ATP2A3: variants seen among roughly 807,000 people sequenced by gnomAD.
ATP2A3 encodes the protein sarcoplasmic/endoplasmic reticulum calcium ATPase 3.
Under a neutral mutation model 106.8 loss-of-function variants are expected in ATP2A3, and 61 were observed. The observed-to-expected ratio is 0.57, with a 90% CI of 0.46 to 0.71. ATP2A3 has a LOEUF of 0.71. ATP2A3 is among the 30% of genes least tolerant of loss of function. The pLI, the probability that ATP2A3 is intolerant of heterozygous loss-of-function variation, is 0.00. For synonymous variants in ATP2A3, 611 were observed against 609.3 expected (o/e 1.00, Z -0.04); for missense variants, 1,201 against 1,423.5 (o/e 0.84, Z 2.52).
chr17:3,930,663 C>CT lies in ATP2A3; in HGVS notation c.2611-230_2611-229insA, dbSNP rs34208227. On this transcript the variant is annotated intron_variant, in intron 17 of 20. Transcript: ENST00000397041. This position sits in a 1 kb window ranked among gnomAD's most constrained non-coding sequence, Gnocchi z 5.4. ...AAGGGCACAGCGTGGGAAAGGCAGA[C>CT]GTTCTGGAGCAGGAGTGCAGCGGCT... is the stretch of plus-strand genomic sequence containing the variant. 0.15 allele frequency: 90,265 copies of CT among 612,452 alleles called. 10,565 individuals are homozygous for CT. Among genetic ancestry groups the CT allele is most frequent in the African/African-American group, 0.46 (24,611 of 53,896 alleles). The allele number at this position is 612,452 out of a possible 1,614,324, so 37.9% of individuals were successfully genotyped here. A position where few individuals can be genotyped will look rare whatever the true frequency, so the allele number is the denominator to read the frequency against.
intron 17 of ATP2A3, among the ~76,000 whole-genome samples, chr17:3,932,325 G>C (rs940197681): frequency 6.6e-6 from 1 of 152,126 alleles, no homozygotes; most frequent in African/African-American, 2.4e-5. Context: ...TGTGTTTGTA[G>C]TAGAGACGGG....
intron 1 of ATP2A3, among the ~76,000 whole-genome samples, chr17:3,958,899 T>TA (rs200008436): frequency 0.074 from 8,107 of 109,224 alleles, 757 homozygotes; most frequent in Middle Eastern, 0.14. Context: ...TATATATATA[T>TA]TGTTTTTTTT....
At chr17:3,963,455 G>A (rs2055249571) in intron 1 of ATP2A3, among the ~76,000 whole-genome samples, 1 of 152,268 alleles carries the variant, frequency 6.6e-6, no homozygotes. Context: ...CTTTTGGCAA[G>A]AGCAAGAATC....
chr17:3,932,139 T>TGTTTC (rs1316817340), intron 17 of ATP2A3, among the ~76,000 whole-genome samples: 4 of 152,056 alleles, frequency 2.6e-5, no homozygotes, highest in Non-Finnish European at 4.4e-5. Context: ...CTTTTTATTT[T>TGTTTC]GTTTTGTTTT....
rs377579288 is a variant in ATP2A3 at position 3,929,280 on chromosome 17, C to T, written c.2862+48G>A. On this transcript the variant is annotated intron_variant, in intron 19 of 20. Coordinates refer to ENST00000397041, the MANE Select transcript of ATP2A3 (RefSeq NM_005173.4). This position sits in a 1 kb window ranked among gnomAD's most constrained non-coding sequence, Gnocchi z 4.3. ...GAGAGGTCCAGTGACCAGCCCAGGGCCTGTGATGTCCAGGGACCAGGGCAG... is the reference window on the plus strand; with the variant it reads ...GAGAGGTCCAGTGACCAGCCCAGGGTCTGTGATGTCCAGGGACCAGGGCAG... The T allele has an allele frequency of 2.7e-6, 4 of 1,489,770 alleles. No individual in the cohort carries two copies. The highest frequency in any genetic ancestry group is 2.8e-5 in the African/African-American group (2 of 71,812). The allele number at this position is 1,489,770 out of a possible 1,614,324, so 92.3% of individuals were successfully genotyped here.
rs372284674 is a variant in ATP2A3 at position 3,947,681 on chromosome 17, C to T, written c.805G>A (p.Val269Met). 22 of 1,612,002 alleles carry T rather than the reference C, an allele frequency of 1.4e-5. No homozygotes were observed. Among genetic ancestry groups the T allele is most frequent in the Admixed American group, 3.3e-5 (2 of 59,996 alleles). ...QLSHAISVIC[V>M]AVWVINIGHF... is the part of the protein sequence containing the mutation. ...CCGATGTTGATGACCCACACGGCCA[C>T]GCAGATCACAGAGATGGCGTGGGAC... The change falls in exon 8 of 21, where the codon GTG (valine) becomes ATG (methionine). Residue 269 changes from valine to methionine, a missense_variant. By Grantham distance (21) the Val-to-Met change is conservative. Transcript: ENST00000397041. The surrounding 1 kb of genome is among the most constrained non-coding windows in gnomAD (Gnocchi z 7.7).
intron 7 of ATP2A3, among the ~76,000 whole-genome samples, chr17:3,948,607 C>G (rs895074765): frequency 2.6e-5 from 4 of 152,260 alleles, no homozygotes; most frequent in Admixed American, 2.6e-4. Flanking sequence ...TTAGTAGAAA[C>G]GAGGTCTCAC....
chr17:3,943,473 G>T lies in ATP2A3; in HGVS notation c.1337C>A (p.Thr446Asn). The T allele has an allele frequency of 6.2e-7, 1 of 1,614,150 alleles. No individual in the cohort carries two copies. Among genetic ancestry groups the T allele is most frequent in the Non-Finnish European group, 8.5e-7 (1 of 1,180,014 alleles). ...KVGEATETAL[T>N]CLVEKMNVFD... Reference sequence around the variant, plus strand: ...CACGTTCATCTTCTCCACCAGGCAAGTCAGAGCTGTCTCCGTGGCCTCTCC... The same window carrying T: ...CACGTTCATCTTCTCCACCAGGCAATTCAGAGCTGTCTCCGTGGCCTCTCC... Residue 446 changes from threonine to asparagine, a missense_variant, in exon 11 of 21, where the codon ACT (threonine) becomes AAT (asparagine). By Grantham distance (65) the Thr-to-Asn change is moderately conservative. Around this residue, in one of 2 missense-constraint regions of ATP2A3, gnomAD observed 935 missense variants for 1,176.7 expected, o/e 0.79. Coordinates refer to ENST00000397041, the MANE Select transcript of ATP2A3 (RefSeq NM_005173.4).
Position 3,964,224 on chromosome 17 carries a change from C to T in ATP2A3, c.68G>A (p.Gly23Asp). 1 of 1,275,914 alleles carries T rather than the reference C, an allele frequency of 7.8e-7. No homozygotes were observed. Among genetic ancestry groups the T allele is most frequent in the South Asian group, 1.7e-5 (1 of 57,394 alleles). The allele number at this position is 1,275,914 out of a possible 1,614,324, so 79.0% of individuals were successfully genotyped here. The change falls in exon 1 of 21, where the codon GGC (glycine) becomes GAC (aspartate). Residue 23 changes from glycine (G) to aspartate (D), a missense_variant. Transcript: ENST00000397041. ...GCCGGTCACCTGCGCCGGGCTCAGG[C>T]CGCCCTCGGCTGTCACCGAGAAGTG... The part of the protein sequence containing the change: ...LRHFSVTAEG[G>D]LSPAQVTGAR...
intron 1 of ATP2A3, among the ~76,000 whole-genome samples, chr17:3,957,911 G>T (rs2054873563): frequency 6.6e-6 from 1 of 152,224 alleles, no homozygotes; most frequent in African/African-American, 2.4e-5. Context: ...GAGCCACAGT[G>T]GGGCTGGCCA....
At chr17:3,956,403 G>C (rs567561968) in intron 1 of ATP2A3, among the ~76,000 whole-genome samples, 1 of 152,290 alleles carries the variant, frequency 6.6e-6, no homozygotes, top group South Asian at 2.1e-4. Context: ...TTGACTTTTG[G>C]TGGGGGACTT....
chr17:3,928,833 GC>G lies in ATP2A3; in HGVS notation c.2863-54del. 1 of 1,421,782 alleles carries G rather than the reference GC, an allele frequency of 7.0e-7. No homozygotes were observed. 88.1% of individuals were successfully genotyped at this position (1,421,782 alleles called of 1,614,324 possible). A position where few individuals can be genotyped will look rare whatever the true frequency, so the allele number is the denominator to read the frequency against. ...TTAAAGGAAGGACTGGCTGTCCCGT[GC>G]CCCAGCCATCTGCTGGCCTTATCCA... On this transcript the variant is annotated intron_variant, in intron 19 of 20. Coordinates refer to ENST00000397041, the MANE Select transcript of ATP2A3 (RefSeq NM_005173.4). This position sits in a 1 kb window ranked among gnomAD's most constrained non-coding sequence, Gnocchi z 6.1.
intron 20 of ATP2A3, chr17:3,927,937 T>A (rs750237708): frequency 1.2e-6 from 2 of 1,611,664 alleles, no homozygotes; most frequent in Admixed American, 3.3e-5. Context: ...AGTCCAGCCA[T>A]ACGGCCACCG....
In ATP2A3 at chr17:3,961,216, G is replaced by T. The variant is rs559639593; in HGVS notation, c.118+2958C>A. Among the ~76,000 whole-genome samples, 72 of 152,298 alleles carry T rather than the reference G, an allele frequency of 4.7e-4. 1 individual carries two copies. The highest frequency in any genetic ancestry group is 8.3e-4 in the South Asian group (4 of 4,824). Reference sequence around the variant, plus strand: ...AATGGGTGGCTGGGGACGGGGCGGAGAATTTACTGTATACCTTTTGAACCC... The same window carrying T: ...AATGGGTGGCTGGGGACGGGGCGGATAATTTACTGTATACCTTTTGAACCC... On this transcript the variant is annotated intron_variant, in intron 1 of 20. Coordinates refer to ENST00000397041, the MANE Select transcript of ATP2A3 (RefSeq NM_005173.4).
At chr17:3,932,211 T>G (rs574553231) in intron 17 of ATP2A3, among the ~76,000 whole-genome samples, 69 of 152,304 alleles carry the variant, frequency 4.5e-4, no homozygotes, top group African/African-American at 1.6e-3. Flanking sequence ...TGGCGTGATC[T>G]TGGCTCACTG....
At position 3,944,897 on chromosome 17, in the gene ATP2A3, C is replaced by A. The variant is rs942734366; in HGVS notation, c.1185-91G>T. ...CCCCGCCCCTAGGAGGGGGCTCCGC[C>A]TCTTGGCCCCGCCCCCAGAAGGGCT... On this transcript the variant is annotated intron_variant, in intron 9 of 20. Transcript: ENST00000397041. 7 of 1,361,998 alleles carry A rather than the reference C, an allele frequency of 5.1e-6. No homozygotes were observed. The East Asian group carries it at 8.0e-5, about 16-fold the overall frequency. 84.4% of individuals were successfully genotyped at this position (1,361,998 alleles called of 1,614,324 possible).
chr17:3,934,226 G>GT (rs1368543713), intron 17 of ATP2A3, among the ~76,000 whole-genome samples: 1 of 151,214 alleles, frequency 6.6e-6, no homozygotes, highest in Non-Finnish European at 1.5e-5. Context: ...GGCAGGATGT[G>GT]TTCTTTTTTT....
At chr17:3,954,459 T>C (rs2054643141) in intron 1 of ATP2A3, among the ~76,000 whole-genome samples, 1 of 148,774 alleles carries the variant, frequency 6.7e-6, no homozygotes, top group East Asian at 2.0e-4. Flanking sequence ...GAACACTGTT[T>C]CCAAACTCTA....
chr17:3,931,969 T>C (rs975832066), intron 17 of ATP2A3, among the ~76,000 whole-genome samples: 1 of 152,226 alleles, frequency 6.6e-6, no homozygotes, highest in Admixed American at 6.5e-5. Context: ...ATAAGGCCAC[T>C]CTGAGTATCG....
Sources: gnomAD v4.1 joint callset for allele counts (sites outside exome capture counted in the v4.1 genomes callset) on GRCh38, gnomAD v4.1.1 for gene constraint, gnomAD v4.1.1 regional missense constraint, Gnocchi (gnomAD v3.1) non-coding constraint, MANE v1.5 for transcripts, NCBI Gene and HGNC (gene_info 2026-07-23, HGNC 2026-07-21) for gene names.